EVA1C: variants seen among roughly 807,000 people sequenced by gnomAD.
The protein encoded by EVA1C is eva-1 homolog C.
In EVA1C, 25 loss-of-function variants were observed where a neutral mutation model predicts 45.4. That is an observed-to-expected ratio of 0.55 (90% CI 0.40 to 0.77). The LOEUF (loss-of-function observed/expected upper bound fraction) is 0.77. Among genes scored for constraint, EVA1C ranks in the 30% least tolerant of loss-of-function variants. The pLI is 0.00. For synonymous variants in EVA1C, 190 were observed against 221.2 expected (o/e 0.86, Z 1.25); for missense variants, 479 against 554.8 (o/e 0.86, Z 1.37).
intron 4 of EVA1C, among the ~76,000 whole-genome samples, chr21:32,488,984 T>C (rs1473229214): frequency 2.0e-5 from 3 of 152,268 alleles, no homozygotes; most frequent in Admixed American, 1.3e-4. Flanking sequence ...GTTGTATAAG[T>C]TCCTTATATA....
chr21:32,424,239 G>A (rs1021015649), intron 1 of EVA1C, among the ~76,000 whole-genome samples: 4 of 152,104 alleles, frequency 2.6e-5, no homozygotes, highest in Non-Finnish European at 5.9e-5. Context: ...CTCTTTTCAT[G>A]TTCAGTGGCT....
In EVA1C at chr21:32,413,102, G is replaced by A. The variant is rs1601179580; in HGVS notation, c.160+89G>A. 6.1e-6 allele frequency: 7 copies of A among 1,139,150 alleles called. No individual in the cohort carries two copies. The East Asian group carries it at 1.9e-4, about 31-fold the overall frequency. The allele number at this position is 1,139,150 out of a possible 1,614,324, so 70.6% of individuals were successfully genotyped here. Reference sequence around the variant, plus strand: ...TGGGGGCAGCCGCACCAGTGGACACGGCGGGGTAGGATTAAAGTTGAGGCG... The same window carrying A: ...TGGGGGCAGCCGCACCAGTGGACACAGCGGGGTAGGATTAAAGTTGAGGCG... On this transcript the variant is annotated intron_variant, in intron 1 of 7. Coordinates refer to ENST00000300255, the MANE Select transcript of EVA1C (RefSeq NM_058187.5).
chr21:32,487,639 G>A (rs1002001243), intron 4 of EVA1C, among the ~76,000 whole-genome samples: 1 of 151,426 alleles, frequency 6.6e-6, no homozygotes, highest in African/African-American at 2.4e-5. Context: ...AGAATTGCTC[G>A]AATCCAGGAG....
intron 4 of EVA1C, among the ~76,000 whole-genome samples, chr21:32,480,051 A>G (rs980189493): frequency 4.6e-5 from 7 of 152,160 alleles, no homozygotes; most frequent in Non-Finnish European, 8.8e-5. Context: ...CCTACTTCCA[A>G]TAATTCCTAT....
rs779974804 is a variant in EVA1C, at chr21:32,504,007, A to G, written c.941A>G (p.Tyr314Cys). Reference protein sequence around the residue: ...LVSNSLAAFAYIRAHPERAAL... With the variant: ...LVSNSLAAFACIRAHPERAAL... ...AGCAACTCTCTGGCAGCCTTTGCTT[A>G]CATTAGAGGTAGGTCAATGAATCAA... Residue 314 changes from tyrosine to cysteine, a missense_variant, in exon 7 of 8, where the codon TAC (tyrosine) becomes TGC (cysteine). Tyr to Cys is a radical substitution (Grantham distance 194). Around this residue, in one of 3 missense-constraint regions of EVA1C, gnomAD observed 366 missense variants for 426.1 expected, o/e 0.86. Coordinates refer to ENST00000300255, the MANE Select transcript of EVA1C (RefSeq NM_058187.5). 2 of 1,607,812 alleles carry G rather than the reference A, an allele frequency of 1.2e-6. No individual in the cohort carries two copies. The highest frequency in any genetic ancestry group is 1.7e-6 in the Non-Finnish European group (2 of 1,176,354).
At chr21:32,432,514 G>C (rs558312017) in intron 1 of EVA1C, among the ~76,000 whole-genome samples, 2 of 152,270 alleles carry the variant, frequency 1.3e-5, no homozygotes, top group Middle Eastern at 6.8e-3. Flanking sequence ...AGGAAGGAGA[G>C]CATTCTGTCT....
At chr21:32,439,441 C>T (rs111396115) in intron 1 of EVA1C, among the ~76,000 whole-genome samples, 5 of 152,250 alleles carry the variant, frequency 3.3e-5, no homozygotes, top group African/African-American at 9.6e-5. Context: ...GCATGATTAC[C>T]GTGTGGACGC....
chr21:32,494,233 T>TTTCA (rs567162541), intron 4 of EVA1C, among the ~76,000 whole-genome samples: 21 of 152,364 alleles, frequency 1.4e-4, no homozygotes, highest in African/African-American at 4.6e-4. Context: ...AATTAGTTTA[T>TTTCA]TTCATTCATT....
intron 3 of EVA1C, among the ~76,000 whole-genome samples, chr21:32,464,611 C>G (rs1349719193): frequency 6.6e-6 from 1 of 152,036 alleles, no homozygotes; most frequent in African/African-American, 2.4e-5. Context: ...CACTTGAGGT[C>G]AGGAGTTGAA....
intron 4 of EVA1C, among the ~76,000 whole-genome samples, chr21:32,492,218 G>C (rs1327354048): frequency 6.6e-6 from 1 of 152,096 alleles, no homozygotes; most frequent in Admixed American, 6.6e-5. Flanking sequence ...CCCTCAATAG[G>C]GGCATTTAGG....
rs374430339 is a variant in EVA1C, at chr21:32,467,833, C to T, written c.619C>T (p.Arg207Trp). 5.3e-5 allele frequency: 85 copies of T among 1,608,712 alleles called. No homozygotes were observed. The highest frequency in any genetic ancestry group is 3.3e-4 in the Middle Eastern group (2 of 6,062). Reference sequence around the variant, plus strand: ...GGACATCTGCTCCTCCAAGGCAGAGCGGCTCCCCCCTTTCGGTATGTGCTT... The same window carrying T: ...GGACATCTGCTCCTCCAAGGCAGAGTGGCTCCCCCCTTTCGGTATGTGCTT... The part of the protein sequence containing the change: ...ERDICSSKAE[R>W]LPPFDCLSYS... The change falls in exon 4 of 8, where the codon CGG becomes TGG. Residue 207 changes from arginine (R) to tryptophan (W), a missense_variant. Around this residue, in one of 3 missense-constraint regions of EVA1C, gnomAD observed 366 missense variants for 426.1 expected, o/e 0.86. Coordinates refer to ENST00000300255, the MANE Select transcript of EVA1C (RefSeq NM_058187.5).
chr21:32,510,047 T>C (rs2037896832), intron 7 of EVA1C, among the ~76,000 whole-genome samples: 1 of 147,470 alleles, frequency 6.8e-6, no homozygotes, highest in South Asian at 2.2e-4. Flanking sequence ...ACATTCCTTT[T>C]TTTTTTTTTT....
chr21:32,466,510 T>C (rs1010580621), intron 3 of EVA1C, among the ~76,000 whole-genome samples: 2 of 151,188 alleles, frequency 1.3e-5, no homozygotes, highest in African/African-American at 4.9e-5. Context: ...AAATAAACTG[T>C]GTTTTCTTCA....
At chr21:32,425,342 A>T (rs1175396889) in intron 1 of EVA1C, among the ~76,000 whole-genome samples, 4 of 150,668 alleles carry the variant, frequency 2.7e-5, no homozygotes, top group Non-Finnish European at 4.4e-5. Flanking sequence ...CTCAAAAAAA[A>T]AAAAAAAAAA....
intron 7 of EVA1C, among the ~76,000 whole-genome samples, chr21:32,511,181 T>G (rs1274651857): frequency 6.6e-6 from 1 of 152,098 alleles, no homozygotes; most frequent in South Asian, 2.1e-4. Context: ...TTTGGGAAGC[T>G]GAGGCGGGCA....
intron 1 of EVA1C, among the ~76,000 whole-genome samples, chr21:32,437,588 T>C (rs1601254659): frequency 6.6e-6 from 1 of 152,078 alleles, no homozygotes; most frequent in African/African-American, 2.4e-5. Flanking sequence ...CCTCAAACCC[T>C]GCAATCGAGC....
At chr21:32,484,324 C>T (rs909225236) in intron 4 of EVA1C, among the ~76,000 whole-genome samples, 1 of 152,140 alleles carries the variant, frequency 6.6e-6, no homozygotes, top group Non-Finnish European at 1.5e-5. Flanking sequence ...GGGTGGATCA[C>T]CTTAGGGTCA....
At chr21:32,466,530 G>A (rs2036182559) in intron 3 of EVA1C, among the ~76,000 whole-genome samples, 1 of 150,862 alleles carries the variant, frequency 6.6e-6, no homozygotes, top group Non-Finnish European at 1.5e-5. Flanking sequence ...AACAGTGCAC[G>A]CATAATGCCA....
chr21:32,430,853 G>T (rs1285875049), intron 1 of EVA1C, among the ~76,000 whole-genome samples: 1 of 151,924 alleles, frequency 6.6e-6, no homozygotes, highest in East Asian at 1.9e-4. Context: ...CATGCCTGTT[G>T]TCCCAGATTC....
Sources: gnomAD v4.1 joint callset for allele counts (sites outside exome capture counted in the v4.1 genomes callset) on GRCh38, gnomAD v4.1.1 for gene constraint, gnomAD v4.1.1 regional missense constraint, MANE v1.5 for transcripts, NCBI Gene and HGNC (gene_info 2026-07-23, HGNC 2026-07-21) for gene names.